Variants in SEMA3A observed in about 807,000 individuals in gnomAD.
The protein encoded by SEMA3A is semaphorin-3A.
Under a neutral mutation model 97.9 loss-of-function variants are expected in SEMA3A, and 29 were observed. The observed-to-expected ratio is 0.30, with a 90% confidence interval of 0.22 to 0.40. The LOEUF is 0.40. Ranked by LOEUF, SEMA3A falls within the 10% of genes least tolerant of loss-of-function variation. The pLI is 1.00. For missense variants in SEMA3A, 763 were observed against 951.3 expected (o/e 0.80, Z 2.60); for synonymous variants, 321 against 323.7 (o/e 0.99, Z 0.09).
intron 2 of SEMA3A, among the ~76,000 whole-genome samples, chr7:84,337,810 A>G (rs1264456561): frequency 1.3e-5 from 2 of 152,108 alleles, no homozygotes; most frequent in East Asian, 3.9e-4. Context: ...CTTGATCTAC[A>G]TGTAGCCCCA....
chr7:84,218,786 C>T (rs903635997), intron 3 of SEMA3A, among the ~76,000 whole-genome samples: 4 of 152,042 alleles, frequency 2.6e-5, no homozygotes, highest in Non-Finnish European at 2.9e-5. Context: ...TTAGAGGAGA[C>T]GACTCTACTC....
At position 83,993,305 on chromosome 7, in the gene SEMA3A, G is replaced by C. The variant is rs575266829; in HGVS notation, c.1453-7828C>G. 3.5e-5 allele frequency among the ~76,000 whole-genome samples: 5 copies of C among 141,624 alleles called. No homozygotes were observed. The East Asian group carries it at 1.1e-3, about 31-fold the overall frequency. The allele number at this position is 141,624 out of a possible 152,430, so 92.9% of individuals were successfully genotyped here. On this transcript the variant is annotated intron_variant, in intron 12 of 16. Transcript: ENST00000265362. ...CTGTGTCTTTTAATTGGAGCATTTA[G>C]TCCATTTACATTTAAAGTTAATATT...
chr7:84,157,535 T>C (rs1475024692), intron 1 of SEMA3A, among the ~76,000 whole-genome samples: 1 of 152,222 alleles, frequency 6.6e-6, no homozygotes, highest in African/African-American at 2.4e-5. Context: ...GTGGGTGTTG[T>C]GTTCTTATCT....
intron 6 of SEMA3A, among the ~76,000 whole-genome samples, chr7:84,034,811 T>G (rs1383585302): frequency 2.0e-5 from 3 of 152,010 alleles, no homozygotes; most frequent in African/African-American, 4.8e-5. Context: ...CTTATTTGAC[T>G]GCTCATATGG....
chr7:83,987,803 T>C (rs1390392754), intron 12 of SEMA3A, among the ~76,000 whole-genome samples: 4 of 152,338 alleles, frequency 2.6e-5, no homozygotes, highest in African/African-American at 7.2e-5. Context: ...TTGTTTCTTA[T>C]AGCTTAGCTG....
chr7:84,232,572 T>G (rs970362810), intron 3 of SEMA3A, among the ~76,000 whole-genome samples: 1 of 151,936 alleles, frequency 6.6e-6, no homozygotes, highest in South Asian at 2.1e-4. Context: ...CATACTATCC[T>G]TTTGGTTTTA....
chr7:84,023,981 T>A (rs1043951191), intron 6 of SEMA3A, among the ~76,000 whole-genome samples: 1 of 141,460 alleles, frequency 7.1e-6, no homozygotes, highest in Non-Finnish European at 1.5e-5. Flanking sequence ...CACTGCACTC[T>A]AGCCTGGGCA....
intron 1 of SEMA3A, among the ~76,000 whole-genome samples, chr7:84,434,882 T>C (rs781770878): frequency 6.6e-6 from 1 of 152,182 alleles, no homozygotes; most frequent in Non-Finnish European, 1.5e-5. Flanking sequence ...GAGCCATTTA[T>C]GATTAATGCA....
chr7:84,452,478 T>G (rs990813829), intron 1 of SEMA3A, among the ~76,000 whole-genome samples: 16 of 152,200 alleles, frequency 1.1e-4, no homozygotes, highest in Admixed American at 9.8e-4. Flanking sequence ...GAGAGAATTT[T>G]GTTATTCCCA....
chr7:84,417,077 A>C (rs1342856034), intron 1 of SEMA3A, among the ~76,000 whole-genome samples: 1 of 152,104 alleles, frequency 6.6e-6, no homozygotes, highest in African/African-American at 2.4e-5. Context: ...TCTGTACTAA[A>C]CAGTTTGATT....
chr7:84,068,194 A>G (rs1404473492), intron 4 of SEMA3A, among the ~76,000 whole-genome samples: 3 of 144,560 alleles, frequency 2.1e-5, no homozygotes, highest in Non-Finnish European at 3.0e-5. Flanking sequence ...AACACCGCAT[A>G]TTCTCACTCA....
chr7:84,075,697 T>A (rs1403552151), intron 4 of SEMA3A, among the ~76,000 whole-genome samples: 1 of 152,154 alleles, frequency 6.6e-6, no homozygotes, highest in Non-Finnish European at 1.5e-5. Flanking sequence ...CCTCAAGTGA[T>A]CTGCCCACCT....
At chr7:84,109,740 C>T (rs1160197681) in intron 4 of SEMA3A, among the ~76,000 whole-genome samples, 1 of 152,126 alleles carries the variant, frequency 6.6e-6, no homozygotes, top group Non-Finnish European at 1.5e-5. Context: ...GATTTTCTCA[C>T]CACGTGAACA....
At chr7:84,149,280 C>T (rs1399847634) in intron 1 of SEMA3A, among the ~76,000 whole-genome samples, 1 of 152,142 alleles carries the variant, frequency 6.6e-6, no homozygotes. Flanking sequence ...AGATTAAATT[C>T]TTCCATTTTG....
At chr7:83,963,525 A>C (rs142077081) in intron 15 of SEMA3A, among the ~76,000 whole-genome samples, 178 bp from the exon 16 acceptor site, 256 of 152,320 alleles carry the variant, frequency 1.7e-3, no homozygotes, top group African/African-American at 5.8e-3. Flanking sequence ...TGCCTACCTA[A>C]ATCGACTAAT....
chr7:84,382,217 C>G (rs368550623), intron 1 of SEMA3A, among the ~76,000 whole-genome samples: 1 of 151,986 alleles, frequency 6.6e-6, no homozygotes, highest in East Asian at 2.0e-4. Context: ...AAACAATTCT[C>G]CTGCCTCAGC....
intron 2 of SEMA3A, among the ~76,000 whole-genome samples, chr7:84,338,466 A>C (rs78806568): frequency 0.031 from 4,680 of 152,170 alleles, 113 homozygotes; most frequent in Middle Eastern, 0.055. Flanking sequence ...TGATTATTAA[A>C]ATGGTAATAC....
intron 4 of SEMA3A, among the ~76,000 whole-genome samples, chr7:84,087,259 T>G (rs1300698736): frequency 6.6e-6 from 1 of 152,186 alleles, no homozygotes; most frequent in Non-Finnish European, 1.5e-5. Flanking sequence ...AAGTGTGATT[T>G]TGTGTTATTT....
intron 3 of SEMA3A, among the ~76,000 whole-genome samples, chr7:84,226,167 C>T (rs1383231301): frequency 6.6e-6 from 1 of 151,898 alleles, no homozygotes; most frequent in Admixed American, 6.6e-5. Context: ...GGTGAGGAAT[C>T]AGAAATTAAC....
Sources: allele counts gnomAD v4.1 joint callset (sites outside exome capture counted in the v4.1 genomes callset), GRCh38; gene constraint gnomAD v4.1.1; transcripts MANE v1.5; gene names NCBI Gene and HGNC (gene_info 2026-07-23, HGNC 2026-07-21).